The following ZNF385D variants were observed in gnomAD, a reference collection of about 807,000 sequenced individuals.
ZNF385D encodes zinc finger protein 659.
ZNF385D carries 15 observed loss-of-function variants against 35.8 expected under a neutral mutation model. That is an observed-to-expected ratio of 0.42 (90% CI 0.28 to 0.64). The LOEUF (loss-of-function observed/expected upper bound fraction) is 0.64, where lower values mean the gene tolerates loss of function less well. ZNF385D is among the 30% of genes least tolerant of loss of function. The pLI is 0.23. For missense variants in ZNF385D, 474 were observed against 494.6 expected (o/e 0.96, Z 0.39); for synonymous variants, 212 against 186.8 (o/e 1.13, Z -1.10).
intron 3 of ZNF385D, among the ~76,000 whole-genome samples, chr3:21,514,775 A>C (rs1379575703): frequency 6.6e-6 from 1 of 152,036 alleles, no homozygotes; most frequent in African/African-American, 2.4e-5. Flanking sequence ...AGAGGCTGTC[A>C]AATTCTTGTA....
chr3:22,152,135 A>G (rs569590828), intron 3 of ZNF385D, among the ~76,000 whole-genome samples: 3 of 152,262 alleles, frequency 2.0e-5, no homozygotes, highest in Middle Eastern at 3.4e-3. Context: ...TTAGTATGCT[A>G]TGAATGATGA....
At chr3:21,462,285 A>G (rs1703227011) in intron 4 of ZNF385D, among the ~76,000 whole-genome samples, 1 of 152,190 alleles carries the variant, frequency 6.6e-6, no homozygotes, top group Non-Finnish European at 1.5e-5. Flanking sequence ...TTTGTGAGCC[A>G]GAATTTTGTC....
intron 3 of ZNF385D, among the ~76,000 whole-genome samples, chr3:21,768,327 T>A (rs191722317): frequency 6.6e-6 from 1 of 152,102 alleles, no homozygotes; most frequent in African/African-American, 2.4e-5. Context: ...TTAAAGTAAT[T>A]ACATTAACAT....
intron 3 of ZNF385D, among the ~76,000 whole-genome samples, chr3:21,855,791 G>C (rs184546810): frequency 8.5e-4 from 129 of 152,006 alleles, no homozygotes; most frequent in Non-Finnish European, 9.1e-4. Flanking sequence ...ACAGTTTAAG[G>C]GTTATGAGCT....
At chr3:22,327,201 T>C (rs1694718602) in intron 2 of ZNF385D, among the ~76,000 whole-genome samples, 1 of 152,178 alleles carries the variant, frequency 6.6e-6, no homozygotes, top group Non-Finnish European at 1.5e-5. Flanking sequence ...GGATGGGCCA[T>C]AAAAATCCAT....
chr3:21,651,244 T>C (rs1335687600), intron 2 of ZNF385D, among the ~76,000 whole-genome samples: 12 of 128,934 alleles, frequency 9.3e-5, no homozygotes, highest in Admixed American at 1.9e-4. Context: ...GCCAAGATCG[T>C]GCCACCGCAC....
chr3:21,518,633 G>A (rs1707725724), intron 3 of ZNF385D, among the ~76,000 whole-genome samples: 1 of 152,096 alleles, frequency 6.6e-6, no homozygotes, highest in African/African-American at 2.4e-5. Flanking sequence ...GTTAGTGTTA[G>A]CCATGTCTAG....
At chr3:21,460,387 TA>T (rs1327692066) in intron 4 of ZNF385D, among the ~76,000 whole-genome samples, 64 of 152,184 alleles carry the variant, frequency 4.2e-4, no homozygotes. Flanking sequence ...TAAAGACCCA[TA>T]AAACAGTGGG....
At chr3:22,250,488 T>A (rs914357946) in intron 2 of ZNF385D, among the ~76,000 whole-genome samples, 1 of 151,966 alleles carries the variant, frequency 6.6e-6, no homozygotes, top group Admixed American at 6.6e-5. Context: ...TAGGAGTGCA[T>A]TGGAATATTG....
chr3:21,798,291 T>A (rs141743653), intron 3 of ZNF385D, among the ~76,000 whole-genome samples: 1 of 152,198 alleles, frequency 6.6e-6, no homozygotes, highest in African/African-American at 2.4e-5. Flanking sequence ...GAAATCAAGA[T>A]GTCAGCTAGA....
intron 2 of ZNF385D, among the ~76,000 whole-genome samples, chr3:22,240,903 A>G (rs1699458629): frequency 6.6e-6 from 1 of 150,956 alleles, no homozygotes; most frequent in Non-Finnish European, 1.5e-5. Context: ...TATTAAGTAC[A>G]TGCTTCTTTT....
chr3:21,987,149 G>C (rs1167295588), intron 3 of ZNF385D, among the ~76,000 whole-genome samples: 11 of 132,202 alleles, frequency 8.3e-5, no homozygotes, highest in South Asian at 5.3e-4. Context: ...CTTTTAATTG[G>C]AGAATTTAGT....
intron 3 of ZNF385D, among the ~76,000 whole-genome samples, chr3:21,871,914 T>C (rs988124368): frequency 1.3e-5 from 2 of 151,862 alleles, no homozygotes; most frequent in African/African-American, 4.8e-5. Context: ...GGAGAATCAC[T>C]TGAACCCAGG....
chr3:21,814,094 A>G (rs1315030611), intron 3 of ZNF385D, among the ~76,000 whole-genome samples: 1 of 152,202 alleles, frequency 6.6e-6, no homozygotes, highest in African/African-American at 2.4e-5. Flanking sequence ...ATATCCAGCC[A>G]AACTAAGCTT....
intron 2 of ZNF385D, among the ~76,000 whole-genome samples, chr3:22,186,059 ACACT>A (rs1192790880): frequency 6.6e-6 from 1 of 152,034 alleles, no homozygotes; most frequent in Non-Finnish European, 1.5e-5. Context: ...TCCTGGACAA[ACACT>A]CACACACTCT....
At chr3:22,344,045 T>C (rs930452890) in intron 2 of ZNF385D, among the ~76,000 whole-genome samples, 5 of 152,154 alleles carry the variant, frequency 3.3e-5, no homozygotes, top group African/African-American at 1.2e-4. Context: ...TCCCAGAAGA[T>C]AGGGATCCCT....
At chr3:22,221,593 A>C (rs1407167872) in intron 2 of ZNF385D, among the ~76,000 whole-genome samples, 1 of 152,128 alleles carries the variant, frequency 6.6e-6, no homozygotes, top group Non-Finnish European at 1.5e-5. Flanking sequence ...GTTTCTCATC[A>C]CTTCAGGGTT....
intron 4 of ZNF385D, chr3:21,443,276 C>T: frequency 1.0e-6 from 1 of 985,374 alleles, no homozygotes; most frequent in Non-Finnish European, 1.2e-6. Flanking sequence ...AAGGATGATT[C>T]AGGTGAGGGG....
intron 3 of ZNF385D, among the ~76,000 whole-genome samples, chr3:21,980,837 T>A (rs1429896741): frequency 6.6e-6 from 1 of 152,182 alleles, no homozygotes; most frequent in Non-Finnish European, 1.5e-5. Flanking sequence ...TGTTCTTGAG[T>A]TAGTTTGCTA....
Sources: gnomAD v4.1 joint callset for allele counts (sites outside exome capture counted in the v4.1 genomes callset) on GRCh38, gnomAD v4.1.1 for gene constraint, MANE v1.5 for transcripts, NCBI Gene and HGNC (gene_info 2026-07-23, HGNC 2026-07-21) for gene names.